PRSS12: variants seen among roughly 807,000 people sequenced by gnomAD.
The protein encoded by PRSS12 is serine protease 12.
Under a neutral mutation model 104.4 loss-of-function variants are expected in PRSS12, and 85 were observed. That is an observed-to-expected ratio of 0.81 (90% confidence interval 0.68 to 0.98). The LOEUF (loss-of-function observed/expected upper bound fraction) is 0.98. Ranked by LOEUF, PRSS12 falls within the 50% of genes least tolerant of loss-of-function variation. The pLI is 0.00. For synonymous variants in PRSS12, 454 were observed against 425.2 expected, an observed-to-expected ratio of 1.07 and a Z score of -0.83; for missense variants, 1,141 against 1,139.2, an observed-to-expected ratio of 1.00 and a Z score of -0.02.
intron 1 of PRSS12, among the ~76,000 whole-genome samples, chr4:118,349,459 G>C (rs1724438581): frequency 6.6e-6 from 1 of 151,482 alleles, no homozygotes; most frequent in South Asian, 2.1e-4. Context: ...ATAAGAGACT[G>C]TAAATCATGT....
At chr4:118,299,649 C>T (rs1743342131) in intron 8 of PRSS12, among the ~76,000 whole-genome samples, 1 of 149,114 alleles carries the variant, frequency 6.7e-6, no homozygotes, top group Non-Finnish European at 1.5e-5. Flanking sequence ...CATTGCACTC[C>T]AGCTTGGGCA....
chr4:118,310,742 T>C (rs1317838910), intron 7 of PRSS12, among the ~76,000 whole-genome samples: 1 of 152,114 alleles, frequency 6.6e-6, no homozygotes, highest in East Asian at 1.9e-4. Context: ...CTAACATGCA[T>C]ACATACACAG....
intron 4 of PRSS12, among the ~76,000 whole-genome samples, chr4:118,326,347 A>C (rs894149160): frequency 1.3e-5 from 2 of 152,244 alleles, no homozygotes; most frequent in African/African-American, 4.8e-5. Context: ...CTGGTCTAAC[A>C]GTGCTTTTAG....
intron 8 of PRSS12, among the ~76,000 whole-genome samples, chr4:118,300,682 T>C (rs1269669860): frequency 6.6e-6 from 1 of 152,128 alleles, no homozygotes; most frequent in African/African-American, 2.4e-5. Context: ...AAATTAAGAA[T>C]GTAGCTTTCC....
chr4:118,299,765 T>TAAAAAA (rs1560768361), intron 8 of PRSS12, among the ~76,000 whole-genome samples: 1 of 77,338 alleles, frequency 1.3e-5, no homozygotes, highest in Admixed American at 1.4e-4. Flanking sequence ...TAAATAAAAT[T>TAAAAAA]AAATAAAATA....
intron 6 of PRSS12, among the ~76,000 whole-genome samples, chr4:118,313,607 C>T (rs1347613440): frequency 3.3e-5 from 5 of 152,168 alleles, no homozygotes; most frequent in Non-Finnish European, 7.3e-5. Flanking sequence ...ATTATTTCAA[C>T]GAATAACAAA....
At chr4:118,350,774 T>G (rs1302228228) in intron 1 of PRSS12, among the ~76,000 whole-genome samples, 1 of 152,242 alleles carries the variant, frequency 6.6e-6, no homozygotes, top group Non-Finnish European at 1.5e-5. Flanking sequence ...TCACTATCAT[T>G]TTTTAACTTT....
chr4:118,337,347 C>T (rs1369902578), intron 2 of PRSS12, among the ~76,000 whole-genome samples: 5 of 151,896 alleles, frequency 3.3e-5, no homozygotes, highest in African/African-American at 1.2e-4. Context: ...GTTAAGTGCG[C>T]TTAGAAAATA....
rs558897637 is a variant in PRSS12, at chr4:118,282,067, G to A, written c.2497C>T (p.Arg833Trp). 4.2e-5 allele frequency: 68 copies of A among 1,614,180 alleles called. No homozygotes were observed. The East Asian group carries it at 7.1e-4, about 17-fold the overall frequency. ...GDSGGPLMCE[R>W]PGESWVVYGV... ...TACACCACCCAGCTCTCTCCGGGCC[G>A]TTCACACATGAGTGGTCCTCCGCTG... Residue 833 changes from arginine to tryptophan, a missense_variant, in exon 13 of 13, where the codon CGG (arginine) becomes TGG (tryptophan). Physicochemically the swap from Arg to Trp is moderately radical, Grantham distance 101 (BLOSUM62 -3). Coordinates refer to ENST00000296498, the MANE Select transcript of PRSS12 (RefSeq NM_003619.4).
intron 8 of PRSS12, among the ~76,000 whole-genome samples, chr4:118,304,614 C>A (rs1377765092): frequency 6.6e-6 from 1 of 151,940 alleles, no homozygotes; most frequent in Non-Finnish European, 1.5e-5. Context: ...ACTGGATCCA[C>A]ATAAAGTGTA....
At chr4:118,336,326 T>C (rs775933536) in intron 2 of PRSS12, among the ~76,000 whole-genome samples, 2 of 152,058 alleles carry the variant, frequency 1.3e-5, no homozygotes, top group Non-Finnish European at 2.9e-5. Context: ...TACAGACGGG[T>C]TCTGCTTTTA....
In PRSS12 at chr4:118,281,125, TGGTC is replaced by T. The variant is rs2126024727; in HGVS notation, c.*807_*810del. 6.6e-6 allele frequency: 1 copy of T among 152,400 alleles called. No homozygotes were observed. The highest frequency in any genetic ancestry group is 6.5e-5 in the Admixed American group (1 of 15,310). The allele number at this position is 152,400 out of a possible 1,614,324, so 9.4% of individuals were successfully genotyped here. A position where few individuals can be genotyped will look rare whatever the true frequency, so the allele number is the denominator to read the frequency against. On this transcript the variant is annotated 3_prime_UTR_variant, in exon 13 of 13. Transcript: ENST00000296498. ...GTCAGTGGGTGGCACTCTTACATCA[TGGTC>T]GGGGAACGTGGACTATGATGAGGTG... is the stretch of plus-strand genomic sequence containing the variant.
chr4:118,324,884 G>C (rs1219405007), intron 4 of PRSS12, among the ~76,000 whole-genome samples: 1 of 151,740 alleles, frequency 6.6e-6, no homozygotes, highest in African/African-American at 2.4e-5. Flanking sequence ...ACTAATTTTT[G>C]AATTTTTAGT....
chr4:118,313,220 C>T lies in PRSS12; in HGVS notation c.1470G>A (p.Glu490=), dbSNP rs565374972. The T allele has an allele frequency of 2.5e-6, 4 of 1,613,484 alleles. No individual in the cohort carries two copies. The South Asian group carries it at 4.4e-5, about 18-fold the overall frequency. The change falls in exon 7 of 13, where the codon GAG becomes GAA. Residue 490 remains glutamate, a synonymous_variant. Coordinates refer to ENST00000296498, the MANE Select transcript of PRSS12 (RefSeq NM_003619.4). ...CCTCACCCAGAGAGAGCCTGTGTCC[C>T]TCGCCGCCAGGGTAGCAGGCAATGC... The part of the protein sequence containing the change: ...DVSIACYPGG[E]GHRLSLGFPV...
chr4:118,352,164 C>G (rs1724521732), intron 1 of PRSS12, 55 bp downstream of exon 1: 1 of 1,603,862 alleles, frequency 6.2e-7, no homozygotes, highest in African/African-American at 1.3e-5. Flanking sequence ...CGGCCCCAAG[C>G]CTCACTGGCT....
Position 118,335,645 on chromosome 4 carries a change from T to C in PRSS12, c.648A>G (p.Lys216=). 1 of 1,613,188 alleles carries C rather than the reference T, an allele frequency of 6.2e-7. No individual in the cohort carries two copies. Among genetic ancestry groups the C allele is most frequent in the Non-Finnish European group, 8.5e-7 (1 of 1,179,276 alleles). ...VICHQLQLGG[K]GIAKQTPFSG... ...AAAACGGGGTTTGTTTTGCTATTCC[T>C]TTTCCTCTGGAAGTACAATGAGCGA... The change falls in exon 3 of 13, where the codon AAA becomes AAG. Residue 216 remains lysine (K), a synonymous_variant. Coordinates refer to ENST00000296498, the MANE Select transcript of PRSS12 (RefSeq NM_003619.4).
chr4:118,282,115 G>A lies in PRSS12; in HGVS notation c.2449C>T (p.Arg817Cys), dbSNP rs148976147. 24 of 1,614,022 alleles carry A rather than the reference G, an allele frequency of 1.5e-5. No individual in the cohort carries two copies. The highest frequency in any genetic ancestry group is 5.3e-5 in the African/African-American group (4 of 74,890). The change falls in exon 13 of 13, where the codon CGC becomes TGC. Residue 817 changes from arginine to cysteine, a missense_variant. Arg to Cys is a radical substitution (Grantham distance 180). Coordinates refer to ENST00000296498, the MANE Select transcript of PRSS12 (RefSeq NM_003619.4). ...LCAGNLHEHK[R>C]VDSCQGDSGG... ...CTGTCTCCCTGGCAGCTGTCCACGC[G>A]TTTGTGTTCATGGAGGTTTCCAGCA...
intron 11 of PRSS12, among the ~76,000 whole-genome samples, chr4:118,291,238 G>A (rs1743120081): frequency 6.6e-6 from 1 of 152,080 alleles, no homozygotes. Context: ...GTCTCTCTAA[G>A]TTCACTAACA....
At chr4:118,309,033 T>G (rs1743635666) in intron 7 of PRSS12, among the ~76,000 whole-genome samples, 1 of 152,006 alleles carries the variant, frequency 6.6e-6, no homozygotes. Context: ...AGACACAATC[T>G]TGGCATTCAT....
Sources: allele counts gnomAD v4.1 joint callset (sites outside exome capture counted in the v4.1 genomes callset), GRCh38; gene constraint gnomAD v4.1.1; transcripts MANE v1.5; gene names NCBI Gene and HGNC (gene_info 2026-07-23, HGNC 2026-07-21).